OPHN1: variants seen among roughly 807,000 people sequenced by gnomAD.
The protein encoded by OPHN1 is oligophrenin-1.
Under a neutral mutation model 60.7 loss-of-function variants are expected in OPHN1, and 11 were observed. The observed-to-expected ratio is 0.18, with a 90% CI of 0.11 to 0.30. The LOEUF (loss-of-function observed/expected upper bound fraction) is 0.30, where lower values mean the gene tolerates loss of function less well. Among genes scored for constraint, OPHN1 ranks in the 10% least tolerant of loss-of-function variants. OPHN1 has a pLI of 1.00. For synonymous variants in OPHN1, 226 were observed against 222.6 expected (o/e 1.02, Z -0.14); for missense variants, 449 against 611.0 (o/e 0.73, Z 2.80).
chrX:68,203,218 G>A (rs1429583899), intron 10 of OPHN1, among the ~76,000 whole-genome samples: 2 of 111,823 alleles, frequency 1.8e-5, no homozygotes, highest in African/African-American at 6.5e-5. Context: ...TCGTGCCACT[G>A]CACTCCAGCC....
intron 2 of OPHN1, among the ~76,000 whole-genome samples, chrX:68,396,063 A>T (rs2078681779): frequency 9.1e-6 from 1 of 109,943 alleles, no homozygotes; most frequent in Admixed American, 9.9e-5. Context: ...CTGGCGGTGG[A>T]GGCTGGCTGG....
At chrX:68,424,856 A>C (rs1250156357) in intron 2 of OPHN1, among the ~76,000 whole-genome samples, 1 of 112,065 alleles carries the variant, frequency 8.9e-6, no homozygotes, top group Non-Finnish European at 1.9e-5. Flanking sequence ...CTACTCTGGA[A>C]TCTGGTCTTG....
At chrX:68,269,916 A>C (rs1266675135) in intron 5 of OPHN1, among the ~76,000 whole-genome samples, 1 of 112,053 alleles carries the variant, frequency 8.9e-6, no homozygotes, top group Non-Finnish European at 1.9e-5. Flanking sequence ...ACCCCATCAA[A>C]AAGTGGGCAA....
chrX:68,140,365 T>A (rs1195295045), intron 15 of OPHN1, among the ~76,000 whole-genome samples: 2 of 112,194 alleles, frequency 1.8e-5, no homozygotes, highest in Non-Finnish European at 3.8e-5. Flanking sequence ...GAGTCTATAA[T>A]CAGAAAAGCA....
intron 2 of OPHN1, among the ~76,000 whole-genome samples, chrX:68,375,332 A>G (rs2078551191): frequency 9.0e-6 from 1 of 111,267 alleles, no homozygotes; most frequent in African/African-American, 3.3e-5. Flanking sequence ...GTCTCTTTAC[A>G]AAAATATTTT....
intron 6 of OPHN1, among the ~76,000 whole-genome samples, chrX:68,229,831 A>G (rs2077718268): frequency 8.9e-6 from 1 of 112,015 alleles, no homozygotes; most frequent in East Asian, 2.8e-4. Context: ...CCTAGGCAAT[A>G]CCATTCAGGA....
chrX:68,367,963 T>C (rs989209129), intron 2 of OPHN1, among the ~76,000 whole-genome samples: 5 of 111,900 alleles, frequency 4.5e-5, no homozygotes, highest in East Asian at 2.8e-4. Context: ...CAGTTCTTTA[T>C]AGCATTGTGA....
chrX:68,043,176 T>A lies in OPHN1; in HGVS notation c.*3996A>T, dbSNP rs1327010269. 2 of 54,474 alleles carry A rather than the reference T, an allele frequency of 3.7e-5. 1 individual carries two copies. 4.5% of individuals were successfully genotyped at this position (54,474 alleles called of 1,213,427 possible). ...CATAGGTGGGAATTGAACAATGAGA[T>A]CACATGGACACAGGAAGGGGAATAT... On this transcript the variant is annotated 3_prime_UTR_variant, in exon 25 of 25. Coordinates refer to ENST00000355520, the MANE Select transcript of OPHN1 (RefSeq NM_002547.3).
At chrX:68,195,869 C>T (rs1278128615) in intron 12 of OPHN1, among the ~76,000 whole-genome samples, 2 of 111,812 alleles carry the variant, frequency 1.8e-5, no homozygotes, top group Non-Finnish European at 3.8e-5. Context: ...ATTCAGTGGG[C>T]CCATGTGCTC....
intron 15 of OPHN1, among the ~76,000 whole-genome samples, chrX:68,157,936 T>C (rs1184005594): frequency 8.9e-6 from 1 of 111,968 alleles, no homozygotes; most frequent in Non-Finnish European, 1.9e-5. Context: ...AGAGGTGCTA[T>C]TTTCTTTTCT....
intron 16 of OPHN1, among the ~76,000 whole-genome samples, chrX:68,113,961 T>C (rs2077116231): frequency 2.4e-5 from 2 of 82,724 alleles, no homozygotes; most frequent in Non-Finnish European, 4.4e-5. Context: ...ACTTAAAGTA[T>C]AATAATAATA....
Position 68,112,040 on chromosome X carries a change from A to C in OPHN1, c.1421-81T>G, listed in dbSNP as rs1316057450. ...CAAAATTCTCACATATATATGCACA[A>C]ACACACACACATGCACACATGCACA... On this transcript the variant is annotated intron_variant, in intron 17 of 24. Coordinates refer to ENST00000355520, the MANE Select transcript of OPHN1 (RefSeq NM_002547.3). 11 of 529,509 alleles carry C rather than the reference A, an allele frequency of 2.1e-5. No homozygotes were observed. The East Asian group carries it at 2.8e-4, about 14-fold the overall frequency. The allele number at this position is 529,509 out of a possible 1,213,427, so 43.6% of individuals were successfully genotyped here. A position where few individuals can be genotyped will look rare whatever the true frequency, so the allele number is the denominator to read the frequency against.
intron 2 of OPHN1, among the ~76,000 whole-genome samples, chrX:68,329,797 G>A (rs2078285651): frequency 8.9e-6 from 1 of 112,029 alleles, no homozygotes; most frequent in African/African-American, 3.2e-5. Flanking sequence ...GACAAGAGAA[G>A]TTATATTTTT....
intron 2 of OPHN1, among the ~76,000 whole-genome samples, chrX:68,358,939 G>A (rs1403529667): frequency 8.9e-6 from 1 of 111,991 alleles, no homozygotes; most frequent in Non-Finnish European, 1.9e-5. Context: ...CAATGCTAGT[G>A]TTCTGACTAC....
At chrX:68,268,833 T>G (rs1343180770) in intron 5 of OPHN1, among the ~76,000 whole-genome samples, 1 of 111,715 alleles carries the variant, frequency 9.0e-6, no homozygotes, top group Non-Finnish European at 1.9e-5. Context: ...ATTGTATACC[T>G]AAAAAACCGC....
chrX:68,053,325 A>T (rs907341835), intron 22 of OPHN1, among the ~76,000 whole-genome samples: 21 of 112,747 alleles, frequency 1.9e-4, no homozygotes, highest in East Asian at 5.6e-4. Context: ...ATAACAAGAA[A>T]TTTTTTTAAA....
chrX:68,271,220 A>T (rs1382286342), intron 5 of OPHN1, among the ~76,000 whole-genome samples: 1 of 110,908 alleles, frequency 9.0e-6, no homozygotes, highest in Non-Finnish European at 1.9e-5. Context: ...TGGGGTTCAG[A>T]CCTCACTTGA....
At chrX:68,303,423 G>T (rs1437900182) in intron 2 of OPHN1, among the ~76,000 whole-genome samples, 1 of 111,047 alleles carries the variant, frequency 9.0e-6, no homozygotes, top group African/African-American at 3.3e-5. Context: ...AAGACGGGTG[G>T]ATCACTTAAG....
chrX:68,073,099 C>T, intron 20 of OPHN1, 53 bp downstream of exon 20: 1 of 1,163,829 alleles, frequency 8.6e-7, no homozygotes, highest in Non-Finnish European at 1.2e-6. Context: ...CCTTCGATAT[C>T]CTCTTTGTGT....
Sources: allele counts gnomAD v4.1 joint callset (sites outside exome capture counted in the v4.1 genomes callset), GRCh38; gene constraint gnomAD v4.1.1; transcripts MANE v1.5; gene names NCBI Gene and HGNC (gene_info 2026-07-23, HGNC 2026-07-21).